DOP1B: variants seen among roughly 807,000 people sequenced by gnomAD.
DOP1B encodes protein DOP1B.
DOP1B carries 174 observed loss-of-function variants against 233.5 expected under a neutral mutation model. The observed-to-expected ratio is 0.75, with a 90% CI of 0.66 to 0.85. The LOEUF (loss-of-function observed/expected upper bound fraction) is 0.85, where lower values mean the gene tolerates loss of function less well. Ranked by LOEUF, DOP1B falls within the 40% of genes least tolerant of loss-of-function variation. The probability of loss-of-function intolerance (pLI) is 0.00; values close to 1 mark genes in which losing one functional copy is unlikely to be tolerated. For missense variants in DOP1B, 2,652 were observed against 2,846.6 expected (o/e 0.93, Z 1.56); for synonymous variants, 1,190 against 1,185.6 (o/e 1.00, Z -0.08).
At chr21:36,260,350 A>G (rs2067156511) in intron 23 of DOP1B, among the ~76,000 whole-genome samples, 1 of 152,138 alleles carries the variant, frequency 6.6e-6, no homozygotes, top group African/African-American at 2.4e-5. Context: ...ACTGGAGTCA[A>G]CACTGGCCCT....
At position 36,280,303 on chromosome 21, in the gene DOP1B, C is replaced by T. The variant is rs2067401232; in HGVS notation, c.5988C>T (p.Asp1996=). ...TSCVHWKSII[D]HLLTHEKTMF... is the part of the protein sequence containing the mutation. Reference sequence around the variant, plus strand: ...TATCCAGTTGGAAGTCCATTATTGACCATCTTTTGACTCATGAGAAAACAA... The same window carrying T: ...TATCCAGTTGGAAGTCCATTATTGATCATCTTTTGACTCATGAGAAAACAA... Residue 1996 remains aspartate, a synonymous_variant, in exon 31 of 37, where the codon GAC becomes GAT. Transcript: ENST00000691173. The T allele has an allele frequency of 1.9e-6, 3 of 1,607,958 alleles. No homozygotes were observed. The highest frequency in any genetic ancestry group is 8.5e-7 in the Non-Finnish European group (1 of 1,176,836).
At chr21:36,169,886 G>A in intron 2 of DOP1B, 2 of 795,962 alleles carry the variant, frequency 2.5e-6, no homozygotes, top group East Asian at 4.9e-5. Flanking sequence ...AAGGTCCGGA[G>A]GCCTCAAGGG....
rs1164791099 is a variant in DOP1B, at chr21:36,207,499, G to GTT, written c.492-1197_492-1196dup. Reference sequence around the variant, plus strand: ...CACGCCCAGCCAAACAGTTTTTTTTGTTTTTTTTTTTTTTTTTTTTGAGGG... The same window carrying GTT: ...CACGCCCAGCCAAACAGTTTTTTTTGTTTTTTTTTTTTTTTTTTTTTTGAGGG... On this transcript the variant is annotated intron_variant, in intron 4 of 36. Transcript: ENST00000691173. Among the ~76,000 whole-genome samples the GTT allele has an allele frequency of 2.0e-3, 175 of 89,558 alleles. 1 individual carries two copies. Among genetic ancestry groups the GTT allele is most frequent in the African/African-American group, 4.1e-3 (87 of 21,372 alleles). The allele number at this position is 89,558 out of a possible 152,430, so 58.8% of individuals were successfully genotyped here. A position where few individuals can be genotyped will look rare whatever the true frequency, so the allele number is the denominator to read the frequency against.
rs1041321269 is a variant in DOP1B at position 36,210,537 on chromosome 21, C to A, written c.682-1016C>A. On this transcript the variant is annotated intron_variant, in intron 5 of 36. Transcript: ENST00000691173. ...ATGGGCGCCCGTAGTCCCAGCTACTCAGGAGGCTGAGACAAAGGAATCGCT... is the reference window on the plus strand; with the variant it reads ...ATGGGCGCCCGTAGTCCCAGCTACTAAGGAGGCTGAGACAAAGGAATCGCT... Among the ~76,000 whole-genome samples, 9 of 152,222 alleles carry A rather than the reference C, an allele frequency of 5.9e-5. No homozygotes were observed. The South Asian group carries it at 1.9e-3, about 32-fold the overall frequency.
chr21:36,283,342 C>T (rs1321067770), intron 32 of DOP1B, among the ~76,000 whole-genome samples: 1 of 152,122 alleles, frequency 6.6e-6, no homozygotes, highest in Non-Finnish European at 1.5e-5. Flanking sequence ...CTTGGCCTCC[C>T]AAAGTGCTTG....
Position 36,164,756 on chromosome 21 carries a change from T to C in DOP1B, c.23T>C (p.Leu8Pro), listed in dbSNP as rs750506997. 1.9e-6 allele frequency: 3 copies of C among 1,605,598 alleles called. No individual in the cohort carries two copies. The African/African-American group carries it at 4.0e-5, about 22-fold the overall frequency. MDPEEQE[L>P]LNDYRYRSYS... is the part of the protein sequence containing the mutation. Reference sequence around the variant, plus strand: ...AAGATGGATCCAGAAGAGCAGGAGCTCTTAAATGATTACAGATACAGAAGC... The same window carrying C: ...AAGATGGATCCAGAAGAGCAGGAGCCCTTAAATGATTACAGATACAGAAGC... The change falls in exon 2 of 37, where the codon CTC becomes CCC. Residue 8 changes from leucine to proline, a missense_variant. Leu to Pro is a moderately conservative substitution (Grantham distance 98, BLOSUM62 -3). This residue lies in a region of DOP1B where 2,617 missense variants were observed against 2,794.3 expected (regional missense o/e 0.94). Coordinates refer to ENST00000691173, the MANE Select transcript of DOP1B (RefSeq NM_001320714.2).
intron 2 of DOP1B, among the ~76,000 whole-genome samples, chr21:36,166,914 C>T (rs546240441): frequency 2.0e-5 from 3 of 152,320 alleles, no homozygotes; most frequent in South Asian, 4.1e-4. Context: ...TGTCACGGCT[C>T]CGTGCTGGCT....
At chr21:36,255,489 G>A (rs907064917) in intron 23 of DOP1B, among the ~76,000 whole-genome samples, 2 of 151,040 alleles carry the variant, frequency 1.3e-5, no homozygotes, top group South Asian at 2.1e-4. Context: ...CTGTCACCCA[G>A]GCTGCAGTGC....
Position 36,214,029 on chromosome 21 carries a change from T to G in DOP1B, c.905-52T>G, listed in dbSNP as rs1335649082. The G allele has an allele frequency of 8.5e-6, 12 of 1,404,282 alleles. No homozygotes were observed. In the African/African-American group the frequency reaches 1.2e-4, roughly 14 times the overall value. The allele number at this position is 1,404,282 out of a possible 1,614,324, so 87.0% of individuals were successfully genotyped here. A position where few individuals can be genotyped will look rare whatever the true frequency, so the allele number is the denominator to read the frequency against. On this transcript the variant is annotated intron_variant, in intron 7 of 36. Transcript: ENST00000691173. The stretch of plus-strand genomic sequence containing the variant: ...AGCATGAGACTTTTGCACAATATGA[T>G]GTCCTTTAAAAGCACAGCTCTCTTT...
rs551777205 is a variant in DOP1B at position 36,202,535 on chromosome 21, C to T, written c.491+2034C>T. The stretch of plus-strand genomic sequence containing the variant: ...AATCCAAGGTCCATTTGCACGGCTC[C>T]CCCAGCCTTAAGTAAACCAAGTAAT... On this transcript the variant is annotated intron_variant, in intron 4 of 36. Coordinates refer to ENST00000691173, the MANE Select transcript of DOP1B (RefSeq NM_001320714.2). Among the ~76,000 whole-genome samples the T allele has an allele frequency of 7.9e-5, 12 of 152,262 alleles. No homozygotes were observed. The East Asian group carries it at 1.9e-3, about 25-fold the overall frequency.
intron 2 of DOP1B, among the ~76,000 whole-genome samples, chr21:36,186,155 A>G (rs1322236267): frequency 6.6e-6 from 1 of 151,940 alleles, no homozygotes; most frequent in Non-Finnish European, 1.5e-5. Flanking sequence ...GTGAGCTAAG[A>G]TTGCGCCACT....
intron 23 of DOP1B, among the ~76,000 whole-genome samples, chr21:36,258,945 C>T (rs984957765): frequency 2.0e-5 from 3 of 150,394 alleles, no homozygotes; most frequent in Non-Finnish European, 4.4e-5. Context: ...CTTCCAAGAA[C>T]GTATGGTCAT....
intron 2 of DOP1B, among the ~76,000 whole-genome samples, chr21:36,178,972 C>A (rs186414025): frequency 2.4e-4 from 36 of 152,346 alleles, no homozygotes; most frequent in African/African-American, 8.4e-4. Flanking sequence ...CCCTCCCTCC[C>A]TTGTCCCCAG....
intron 27 of DOP1B, among the ~76,000 whole-genome samples, chr21:36,272,847 G>C (rs951394998): frequency 6.6e-6 from 1 of 151,476 alleles, no homozygotes; most frequent in African/African-American, 2.4e-5. Context: ...AGCTGGGTGT[G>C]GTGGCGCATG....
At chr21:36,187,256 A>G (rs914886338) in intron 2 of DOP1B, among the ~76,000 whole-genome samples, 3 of 103,814 alleles carry the variant, frequency 2.9e-5, no homozygotes, top group Non-Finnish European at 5.5e-5. Context: ...GACTGTGGCC[A>G]GCGCCCATTC....
At chr21:36,206,606 A>T (rs553393827) in intron 4 of DOP1B, among the ~76,000 whole-genome samples, 2 of 152,254 alleles carry the variant, frequency 1.3e-5, no homozygotes, top group South Asian at 4.1e-4. Flanking sequence ...CAACATAGGC[A>T]GCGTTTCCCA....
At chr21:36,212,255 G>T (rs2066507847) in intron 7 of DOP1B, among the ~76,000 whole-genome samples, 158 bp downstream of exon 7, 1 of 152,212 alleles carries the variant, frequency 6.6e-6, no homozygotes, top group African/African-American at 2.4e-5. Context: ...GTTGAGGTCT[G>T]CTGCCTACAC....
chr21:36,292,879 G>C (rs1167732412), intron 36 of DOP1B, among the ~76,000 whole-genome samples: 1 of 152,094 alleles, frequency 6.6e-6, no homozygotes, highest in African/African-American at 2.4e-5. Context: ...CTCCCAAAGT[G>C]TTGGGATTAC....
chr21:36,237,209 G>C (rs2066837504), intron 15 of DOP1B, 53 bp from the exon 16 acceptor site: 3 of 1,611,868 alleles, frequency 1.9e-6, no homozygotes, highest in Middle Eastern at 3.3e-4. Flanking sequence ...GATGTGAGCG[G>C]ATGTTGCCTG....
Sources: gnomAD v4.1 joint callset for allele counts (sites outside exome capture counted in the v4.1 genomes callset) on GRCh38, gnomAD v4.1.1 for gene constraint, gnomAD v4.1.1 regional missense constraint, MANE v1.5 for transcripts, NCBI Gene and HGNC (gene_info 2026-07-23, HGNC 2026-07-21) for gene names.